Variants in CTRC observed in about 807,000 individuals in gnomAD.
The protein encoded by CTRC is chymotrypsin C, also known as chymotrypsin-C.
In CTRC, 32 loss-of-function variants were observed where a neutral mutation model predicts 35.7. The observed-to-expected ratio is 0.90, with a 90% CI of 0.68 to 1.20. The LOEUF is 1.20. CTRC is among the 50% of genes most tolerant of loss of function. The pLI, the probability that CTRC is intolerant of heterozygous loss-of-function variation, is 0.00. For missense variants in CTRC, 324 were observed against 361.5 expected (o/e 0.90, Z 0.84); for synonymous variants, 119 against 149.5 (o/e 0.80, Z 1.49).
chr1:15,441,473 G>A (rs900777157), intron 3 of CTRC, among the ~76,000 whole-genome samples: 5 of 152,108 alleles, frequency 3.3e-5, no homozygotes, highest in Admixed American at 6.6e-5. Flanking sequence ...CAGGGGCAGC[G>A]TGTGCTAGAG....
intron 4 of CTRC, among the ~76,000 whole-genome samples, chr1:15,443,019 C>T (rs1024982232): frequency 2.0e-5 from 3 of 152,168 alleles, no homozygotes; most frequent in African/African-American, 7.2e-5. Context: ...CTGACTGGGC[C>T]GGCCAGCTTT....
At chr1:15,444,936 G>A (rs1048703134) in intron 6 of CTRC, among the ~76,000 whole-genome samples, 185 bp downstream of exon 6, 7 of 152,160 alleles carry the variant, frequency 4.6e-5, no homozygotes, top group African/African-American at 1.4e-4. Context: ...CATTGAGCAC[G>A]AGTATCTGAG....
At chr1:15,440,653 T>C in intron 3 of CTRC, 63 bp downstream of exon 3, 1 of 1,480,746 alleles carries the variant, frequency 6.8e-7, no homozygotes, top group Non-Finnish European at 9.3e-7. Context: ...GATACTCTGC[T>C]TTTTCTGAGC....
At chr1:15,444,986 T>C (rs1339089084) in intron 6 of CTRC, among the ~76,000 whole-genome samples, 2 of 152,140 alleles carry the variant, frequency 1.3e-5, no homozygotes, top group Non-Finnish European at 2.9e-5. Flanking sequence ...TACGTAAACT[T>C]GGGAGGGCCG....
At chr1:15,445,201 C>G (rs1183659922) in intron 6 of CTRC, among the ~76,000 whole-genome samples, 1 of 152,164 alleles carries the variant, frequency 6.6e-6, no homozygotes, top group Non-Finnish European at 1.5e-5. Flanking sequence ...TGTTTTCAAA[C>G]ACACAACCCT....
chr1:15,444,646 G>A lies in CTRC; in HGVS notation c.534G>A (p.Gln178=). ...CTGATAAGCTGCAGCAGGGCCTGCAGCCCGTGGTGGATCACGCCACGTGCT... is the reference window on the plus strand; with the variant it reads ...CTGATAAGCTGCAGCAGGGCCTGCAACCCGTGGTGGATCACGCCACGTGCT... ...PIADKLQQGL[Q]PVVDHATCSR... is the part of the protein sequence containing the mutation. Residue 178 remains glutamine (Q), a synonymous_variant, in exon 6 of 8, where the codon CAG becomes CAA. Transcript: ENST00000375949. 1 of 1,614,236 alleles carries A rather than the reference G, an allele frequency of 6.2e-7. No homozygotes were observed. The highest frequency in any genetic ancestry group is 8.5e-7 in the Non-Finnish European group (1 of 1,180,038).
At position 15,440,375 on chromosome 1, in the gene CTRC, A is replaced by T. The variant is rs1436354412; in HGVS notation, c.116A>T (p.His39Leu). The part of the protein sequence containing the change: ...RVVGGEDARP[H>L]SWPWQISLQY... ...GTGGGAGGAGAGGATGCCCGGCCCCACAGCTGGCCCTGGCAGGTAAGCCTG... is the reference window on the plus strand; with the variant it reads ...GTGGGAGGAGAGGATGCCCGGCCCCTCAGCTGGCCCTGGCAGGTAAGCCTG... The change falls in exon 2 of 8, where the codon CAC (histidine) becomes CTC (leucine). Residue 39 changes from histidine (H) to leucine (L), a missense_variant. Transcript: ENST00000375949. The T allele has an allele frequency of 6.2e-7, 1 of 1,612,376 alleles. No homozygotes were observed.
intron 3 of CTRC, among the ~76,000 whole-genome samples, chr1:15,441,946 G>A (rs1317497979): frequency 6.6e-6 from 1 of 152,014 alleles, no homozygotes; most frequent in African/African-American, 2.4e-5. Flanking sequence ...TTTGCCATGT[G>A]GCTCAGGCTG....
intron 1 of CTRC, 58 bp from the exon 2 acceptor site, chr1:15,440,242 C>CCT: frequency 1.9e-6 from 2 of 1,025,938 alleles, no homozygotes; most frequent in Admixed American, 2.0e-5. Context: ...CCTCCCACCC[C>CCT]TTTCCCCGTG....
chr1:15,441,318 G>A (rs552811739), intron 3 of CTRC, among the ~76,000 whole-genome samples: 32 of 152,314 alleles, frequency 2.1e-4, no homozygotes, highest in Non-Finnish European at 3.4e-4. Context: ...CTAAAAGGGG[G>A]TTATTTGGGC....
At chr1:15,444,872 C>A (rs1708193079) in intron 6 of CTRC, 121 bp downstream of exon 6, 1 of 1,306,726 alleles carries the variant, frequency 7.7e-7, no homozygotes, top group African/African-American at 1.5e-5. Flanking sequence ...CTGGCTGGGC[C>A]CAGCAGGCTC....
chr1:15,440,330 C>T lies in CTRC; in HGVS notation c.71C>T (p.Pro24Leu), dbSNP rs1241494944. The T allele has an allele frequency of 3.1e-6, 5 of 1,610,390 alleles. No homozygotes were observed. Among genetic ancestry groups the T allele is most frequent in the African/African-American group, 2.7e-5 (2 of 74,768 alleles). The change falls in exon 2 of 8, where the codon CCC (proline) becomes CTC (leucine). Residue 24 changes from proline to leucine, a missense_variant. Coordinates refer to ENST00000375949, the MANE Select transcript of CTRC (RefSeq NM_007272.3). ...AGCTGTGGGGTGCCCAGCTTCCCGC[C>T]CAACCTATCCGCCCGAGTGGTGGGA... Reference protein sequence around the residue: ...ASSCGVPSFPPNLSARVVGGE... With the variant: ...ASSCGVPSFPLNLSARVVGGE...
chr1:15,440,527 G>A lies in CTRC; in HGVS notation c.167G>A (p.Arg56Lys). 1 of 1,614,222 alleles carries A rather than the reference G, an allele frequency of 6.2e-7. No individual in the cohort carries two copies. Among genetic ancestry groups the A allele is most frequent in the Non-Finnish European group, 8.5e-7 (1 of 1,180,040 alleles). Reference protein sequence around the residue: ...SLQYLKNDTWRHTCGGTLIAS... With the variant: ...SLQYLKNDTWKHTCGGTLIAS... The stretch of plus-strand genomic sequence containing the variant: ...CAGTACCTCAAGAACGACACGTGGA[G>A]GCATACGTGTGGCGGGACTTTGATT... Residue 56 changes from arginine (R) to lysine (K), a missense_variant, in exon 3 of 8, where the codon AGG (arginine) becomes AAG (lysine). Coordinates refer to ENST00000375949, the MANE Select transcript of CTRC (RefSeq NM_007272.3).
rs1407562830 is a variant in CTRC, at chr1:15,442,487, C to A, written c.271C>A (p.Leu91Met). 6.2e-7 allele frequency: 1 copy of A among 1,614,156 alleles called. No individual in the cohort carries two copies. The highest frequency in any genetic ancestry group is 1.6e-4 in the Middle Eastern group (1 of 6,062). ...TYRVAVGKNNLEVEDEEGSLF... is the reference protein window; with the variant it reads ...TYRVAVGKNNMEVEDEEGSLF... Reference sequence around the variant, plus strand: ...CCGTGTGGCCGTGGGAAAGAACAACCTGGAGGTGGAAGACGAAGAAGGATC... The same window carrying A: ...CCGTGTGGCCGTGGGAAAGAACAACATGGAGGTGGAAGACGAAGAAGGATC... Residue 91 changes from leucine (L) to methionine (M), a missense_variant, in exon 4 of 8, where the codon CTG becomes ATG. Transcript: ENST00000375949.
rs989326368 is a variant in CTRC, at chr1:15,449,219, A to G, written c.*2630A>G. On this transcript the variant is annotated 3_prime_UTR_variant, in exon 8 of 8. Coordinates refer to ENST00000375949, the MANE Select transcript of CTRC (RefSeq NM_007272.3). ...GTAAAACATCCTCCAGAAAAAAAAT[A>G]AATAAATAAAAACTTCCCTGATGAG... The G allele has an allele frequency of 6.6e-6, 1 of 152,212 alleles. No individual in the cohort carries two copies. Among genetic ancestry groups the G allele is most frequent in the Non-Finnish European group, 1.5e-5 (1 of 68,038 alleles). 9.4% of individuals were successfully genotyped at this position (152,212 alleles called of 1,614,324 possible).
At chr1:15,440,122 A>C (rs117858254) in intron 1 of CTRC, among the ~76,000 whole-genome samples, 178 bp from the exon 2 acceptor site, 1 of 152,170 alleles carries the variant, frequency 6.6e-6, no homozygotes, top group African/African-American at 2.4e-5. Flanking sequence ...CACATTTCAC[A>C]GAAAGGGAAA....
At chr1:15,439,673 G>A (rs1708095046) in intron 1 of CTRC, among the ~76,000 whole-genome samples, 1 of 152,162 alleles carries the variant, frequency 6.6e-6, no homozygotes, top group South Asian at 2.1e-4. Flanking sequence ...CATGATGCAG[G>A]GGCCTAAAAA....
At chr1:15,438,813 G>A (rs1225902666) in intron 1 of CTRC, among the ~76,000 whole-genome samples, 10 of 152,186 alleles carry the variant, frequency 6.6e-5, no homozygotes, top group Admixed American at 5.2e-4. Context: ...AGGGACCATC[G>A]GGGTCTGCCT....
rs1237663064 is a variant in CTRC at position 15,448,991 on chromosome 1, C to T, written c.*2402C>T. The stretch of plus-strand genomic sequence containing the variant: ...GCCAAGCACTATCCTATAGGTTTTA[C>T]ATTATCTCAATCCCCAGAAACAATC... On this transcript the variant is annotated 3_prime_UTR_variant, in exon 8 of 8. Coordinates refer to ENST00000375949, the MANE Select transcript of CTRC (RefSeq NM_007272.3). 6.6e-6 allele frequency: 1 copy of T among 152,188 alleles called. No individual in the cohort carries two copies. Among genetic ancestry groups the T allele is most frequent in the Non-Finnish European group, 1.5e-5 (1 of 68,042 alleles). 9.4% of individuals were successfully genotyped at this position (152,188 alleles called of 1,614,324 possible).
Sources: allele counts gnomAD v4.1 joint callset (sites outside exome capture counted in the v4.1 genomes callset), GRCh38; gene constraint gnomAD v4.1.1; transcripts MANE v1.5; gene names NCBI Gene and HGNC (gene_info 2026-07-23, HGNC 2026-07-21).